TMEM132D: variants seen among roughly 807,000 people sequenced by gnomAD.
TMEM132D encodes transmembrane protein 132D.
TMEM132D carries 21 observed loss-of-function variants against 62.3 expected under a neutral mutation model. That is an observed-to-expected ratio of 0.34 (90% confidence interval 0.24 to 0.49). TMEM132D has a LOEUF of 0.49. TMEM132D is among the 20% of genes least tolerant of loss of function. The pLI is 0.99. For synonymous variants in TMEM132D, 621 were observed against 575.6 expected, an observed-to-expected ratio of 1.08 and a Z score of -1.13; for missense variants, 1,346 against 1,402.8, an observed-to-expected ratio of 0.96 and a Z score of 0.65.
intron 1 of TMEM132D, among the ~76,000 whole-genome samples, chr12:129,713,767 G>A (rs1399596005): frequency 1.3e-5 from 2 of 152,202 alleles, no homozygotes; most frequent in Non-Finnish European, 2.9e-5. Flanking sequence ...TGGCCTACAT[G>A]TGACTCATCT....
chr12:129,447,780 G>C (rs1873147870), intron 3 of TMEM132D, among the ~76,000 whole-genome samples: 1 of 152,106 alleles, frequency 6.6e-6, no homozygotes, highest in Non-Finnish European at 1.5e-5. Flanking sequence ...AGAGTGTGTG[G>C]TGATGTGGAA....
At chr12:129,617,469 G>A (rs542786416) in intron 2 of TMEM132D, among the ~76,000 whole-genome samples, 2 of 152,122 alleles carry the variant, frequency 1.3e-5, no homozygotes, top group East Asian at 1.9e-4. Flanking sequence ...CACAGACTTG[G>A]TAGCTCATAA....
intron 5 of TMEM132D, among the ~76,000 whole-genome samples, chr12:129,181,027 T>A (rs1045060839): frequency 4.6e-5 from 7 of 152,030 alleles, no homozygotes; most frequent in African/African-American, 1.7e-4. Flanking sequence ...GTTATGAGGA[T>A]GCTGCCATTA....
intron 1 of TMEM132D, among the ~76,000 whole-genome samples, chr12:129,863,405 A>G (rs1312931116): frequency 6.6e-6 from 1 of 152,144 alleles, no homozygotes; most frequent in Non-Finnish European, 1.5e-5. Context: ...ACAGCATCTC[A>G]CATTAACACG....
At chr12:129,518,187 C>G (rs911937034) in intron 3 of TMEM132D, among the ~76,000 whole-genome samples, 2 of 152,084 alleles carry the variant, frequency 1.3e-5, no homozygotes, top group African/African-American at 4.8e-5. Context: ...CATAGTTTTT[C>G]TGTTGTGAGT....
At chr12:129,269,589 C>T (rs912634331) in intron 4 of TMEM132D, among the ~76,000 whole-genome samples, 6 of 152,032 alleles carry the variant, frequency 3.9e-5, no homozygotes, top group Non-Finnish European at 5.9e-5. Context: ...TCACGGAGGC[C>T]GTGGTAGTGA....
intron 1 of TMEM132D, among the ~76,000 whole-genome samples, chr12:129,722,171 A>G (rs759413552): frequency 1.3e-5 from 2 of 152,152 alleles, no homozygotes; most frequent in African/African-American, 2.4e-5. Flanking sequence ...CCATATCAAT[A>G]AGCCATTAGT....
At chr12:129,307,379 A>G (rs2135632240) in intron 4 of TMEM132D, among the ~76,000 whole-genome samples, 1 of 152,352 alleles carries the variant, frequency 6.6e-6, no homozygotes, top group Admixed American at 6.5e-5. Context: ...AAAATACCAC[A>G]GCTGAACCCT....
At chr12:129,683,940 T>C (rs1008190726) in intron 2 of TMEM132D, among the ~76,000 whole-genome samples, 4 of 152,160 alleles carry the variant, frequency 2.6e-5, no homozygotes, top group Admixed American at 2.0e-4. Context: ...AAGCAGACTA[T>C]CAGGTAGACC....
intron 3 of TMEM132D, among the ~76,000 whole-genome samples, chr12:129,410,690 G>A (rs1408506290): frequency 6.6e-6 from 1 of 151,824 alleles, no homozygotes; most frequent in Non-Finnish European, 1.5e-5. Flanking sequence ...GTACTTGTCT[G>A]ACTCCAGAAA....
intron 2 of TMEM132D, among the ~76,000 whole-genome samples, chr12:129,693,813 C>A (rs1029827141): frequency 6.6e-6 from 1 of 152,138 alleles, no homozygotes; most frequent in Non-Finnish European, 1.5e-5. Flanking sequence ...GTGGAGATTT[C>A]GGACGCTAAT....
At chr12:129,384,089 G>A (rs1258425733) in intron 3 of TMEM132D, among the ~76,000 whole-genome samples, 2 of 152,202 alleles carry the variant, frequency 1.3e-5, no homozygotes, top group African/African-American at 2.4e-5. Flanking sequence ...GAAATGCTCC[G>A]AAGGCTGGAA....
intron 1 of TMEM132D, among the ~76,000 whole-genome samples, chr12:129,718,968 G>A (rs925682531): frequency 4.6e-5 from 7 of 151,916 alleles, no homozygotes; most frequent in African/African-American, 1.7e-4. Flanking sequence ...GGGGTATGGT[G>A]GCTCATGCCT....
At chr12:129,091,001 G>A (rs780681309) in intron 5 of TMEM132D, among the ~76,000 whole-genome samples, 1 of 152,212 alleles carries the variant, frequency 6.6e-6, no homozygotes, top group Non-Finnish European at 1.5e-5. Context: ...GGAGGGAGCC[G>A]TGTGTTTCCA....
intron 4 of TMEM132D, among the ~76,000 whole-genome samples, chr12:129,256,833 T>C (rs556851342): frequency 6.6e-6 from 1 of 152,346 alleles, no homozygotes; most frequent in South Asian, 2.1e-4. Context: ...AGGGCTGGGA[T>C]TGCAGGCGTG....
intron 2 of TMEM132D, among the ~76,000 whole-genome samples, chr12:129,660,157 AAGAG>A (rs560634480): frequency 2.7e-4 from 40 of 150,554 alleles, no homozygotes; most frequent in African/African-American, 9.5e-4. Flanking sequence ...TGTATTGTAA[AAGAG>A]AGAGAGAGAG....
chr12:129,116,323 C>T (rs1259876039), intron 5 of TMEM132D, among the ~76,000 whole-genome samples: 4 of 152,200 alleles, frequency 2.6e-5, no homozygotes, highest in South Asian at 4.1e-4. Context: ...GGAAAGACAA[C>T]AGCTGGCCAG....
chr12:129,801,607 TGGAAAC>T, intron 1 of TMEM132D, among the ~76,000 whole-genome samples: 1 of 150,370 alleles, frequency 6.7e-6, no homozygotes, highest in East Asian at 2.0e-4. Flanking sequence ...ACAGAAAAAC[TGGAAAC>T]TCTAAAAAGC....
In TMEM132D at chr12:129,207,703, G is replaced by C. The variant is rs1179408201; in HGVS notation, c.1443+1817C>G. 2.6e-5 allele frequency among the ~76,000 whole-genome samples: 4 copies of C among 152,296 alleles called. No homozygotes were observed. In the South Asian group the frequency reaches 6.2e-4, roughly 24 times the overall value. ...ACAGCAGGTATGGCTGCAAAGGTTTGATTCTGTCTCTGTAAATACTTTGGC... is the reference window on the plus strand; with the variant it reads ...ACAGCAGGTATGGCTGCAAAGGTTTCATTCTGTCTCTGTAAATACTTTGGC... On this transcript the variant is annotated intron_variant, in intron 5 of 8. Coordinates refer to ENST00000422113, the MANE Select transcript of TMEM132D (RefSeq NM_133448.3).
Sources: gnomAD v4.1 joint callset for allele counts (sites outside exome capture counted in the v4.1 genomes callset) on GRCh38, gnomAD v4.1.1 for gene constraint, MANE v1.5 for transcripts, NCBI Gene and HGNC (gene_info 2026-07-23, HGNC 2026-07-21) for gene names.